The following SNX30 variants were observed in gnomAD, a reference collection of about 807,000 sequenced individuals.
The protein encoded by SNX30 is sorting nexin family member 30.
SNX30 carries 24 observed loss-of-function variants against 46.4 expected under a neutral mutation model. The observed-to-expected ratio is 0.52, with a 90% confidence interval of 0.37 to 0.73. The LOEUF (loss-of-function observed/expected upper bound fraction) is 0.73, where lower values mean the gene tolerates loss of function less well. Ranked by LOEUF, SNX30 falls within the 30% of genes least tolerant of loss-of-function variation. The pLI, the probability that SNX30 is intolerant of heterozygous loss-of-function variation, is 0.00. For missense variants in SNX30, 533 were observed against 555.7 expected, an observed-to-expected ratio of 0.96 and a Z score of 0.41; for synonymous variants, 189 against 211.5, an observed-to-expected ratio of 0.89 and a Z score of 0.92.
At chr9:112,864,150 A>T in intron 7 of SNX30, 97 bp from the exon 8 acceptor site, 1 of 1,289,956 alleles carries the variant, frequency 7.8e-7, no homozygotes, top group African/African-American at 1.5e-5. Flanking sequence ...ATTTTAATGT[A>T]GGGCTTTGGC....
chr9:112,844,697 G>A (rs1227089177), intron 6 of SNX30, among the ~76,000 whole-genome samples: 2 of 152,250 alleles, frequency 1.3e-5, no homozygotes, highest in Non-Finnish European at 2.9e-5. Flanking sequence ...TGGTGATCGA[G>A]ATTACAAGTG....
chr9:112,879,936 G>C (rs896897404), downstream of SNX30: 1 of 891,306 alleles, frequency 1.1e-6, no homozygotes, highest in Non-Finnish European at 1.8e-6. Flanking sequence ...ATCATAGGTA[G>C]GCATTGACCA....
chr9:112,767,812 C>G (rs899165987), intron 1 of SNX30, among the ~76,000 whole-genome samples: 13 of 152,038 alleles, frequency 8.6e-5, no homozygotes, highest in African/African-American at 3.1e-4. Context: ...GTTGTCCATG[C>G]TGGTCTCAAA....
chr9:112,817,755 C>T lies in SNX30; in HGVS notation c.399C>T (p.Tyr133=), dbSNP rs1840423335. The T allele has an allele frequency of 6.2e-7, 1 of 1,613,710 alleles. No individual in the cohort carries two copies. The highest frequency in any genetic ancestry group is 1.1e-5 in the South Asian group (1 of 91,066). ...DLPEYSVRRR[Y]QDFDWLRSKL... is the part of the protein sequence containing the mutation. ...CAGAATATTCTGTTCGTCGAAGATA[C>T]CAGGATTTTGACTGGTTGAGGAGCA... Residue 133 remains tyrosine, a synonymous_variant, in exon 3 of 9, where the codon TAC becomes TAT. Transcript: ENST00000374232.
At chr9:112,821,019 C>A (rs1357495695) in intron 3 of SNX30, among the ~76,000 whole-genome samples, 1 of 152,064 alleles carries the variant, frequency 6.6e-6, no homozygotes, top group Admixed American at 6.5e-5. Context: ...TGGACATGTT[C>A]CCATTTTGGG....
At chr9:112,834,713 G>A (rs1446773815) in intron 4 of SNX30, among the ~76,000 whole-genome samples, 1 of 152,138 alleles carries the variant, frequency 6.6e-6, no homozygotes, top group Non-Finnish European at 1.5e-5. Context: ...CAGGTGAAAG[G>A]AGGGCAGGGG....
At chr9:112,758,180 G>A (rs761917616) in intron 1 of SNX30, among the ~76,000 whole-genome samples, 10 of 152,126 alleles carry the variant, frequency 6.6e-5, no homozygotes, top group Admixed American at 2.0e-4. Flanking sequence ...CAAGGAGAGA[G>A]TCTAAGGCTG....
In SNX30 at chr9:112,750,935, C is replaced by A. The variant is rs1839263398; in HGVS notation, c.-67C>A. 8 of 1,170,130 alleles carry A rather than the reference C, an allele frequency of 6.8e-6. No individual in the cohort carries two copies. The highest frequency in any genetic ancestry group is 7.4e-6 in the Non-Finnish European group (7 of 949,214). The allele number at this position is 1,170,130 out of a possible 1,614,324, so 72.5% of individuals were successfully genotyped here. On this transcript the variant is annotated 5_prime_UTR_variant, in exon 1 of 9. Coordinates refer to ENST00000374232, the MANE Select transcript of SNX30 (RefSeq NM_001012994.2). ...GCCGAGCGGGGCTCGGCCCGGGGTG[C>A]TCGGGGAGCTCGCCGCGGCGGGCAG... is the stretch of plus-strand genomic sequence containing the variant.
intron 7 of SNX30, among the ~76,000 whole-genome samples, chr9:112,861,499 T>A (rs6415814): frequency 0.76 from 115,281 of 152,126 alleles, 43,966 homozygotes; most frequent in East Asian, 0.83. Context: ...AGGTGGGGTG[T>A]GCAAGCTAAG....
At chr9:112,868,652 A>G in intron 8 of SNX30, 132 bp from the exon 9 acceptor site, 1 of 843,028 alleles carries the variant, frequency 1.2e-6, no homozygotes, top group East Asian at 2.4e-5. Context: ...GTTATGGATG[A>G]CACATGCAGG....
intron 1 of SNX30, among the ~76,000 whole-genome samples, chr9:112,794,951 A>G (rs1043341377): frequency 6.6e-6 from 1 of 152,200 alleles, no homozygotes; most frequent in Non-Finnish European, 1.5e-5. Flanking sequence ...TTTTGCAACA[A>G]TGGGGAGTTT....
chr9:112,856,517 G>A (rs1367150582), intron 7 of SNX30, among the ~76,000 whole-genome samples: 1 of 151,954 alleles, frequency 6.6e-6, no homozygotes, highest in Non-Finnish European at 1.5e-5. Context: ...GTGTCGTGTG[G>A]AGGTGACTGG....
At chr9:112,828,616 G>A (rs1011702771) in intron 3 of SNX30, among the ~76,000 whole-genome samples, 1 of 152,192 alleles carries the variant, frequency 6.6e-6, no homozygotes, top group South Asian at 2.1e-4. Flanking sequence ...CTTCATGGGG[G>A]CAGGAATAAG....
intron 7 of SNX30, among the ~76,000 whole-genome samples, chr9:112,861,314 T>C (rs1160523558): frequency 2.7e-5 from 4 of 146,918 alleles, no homozygotes; most frequent in South Asian, 2.1e-4. Context: ...CTGCCTTCTC[T>C]TTTTGCTTTC....
At chr9:112,839,902 A>G (rs1332722842) in intron 6 of SNX30, among the ~76,000 whole-genome samples, 1 of 152,240 alleles carries the variant, frequency 6.6e-6, no homozygotes, top group Non-Finnish European at 1.5e-5. Flanking sequence ...ACAGCTTGAG[A>G]ACAGGAATTA....
chr9:112,809,621 T>C (rs1337115530), intron 2 of SNX30, among the ~76,000 whole-genome samples: 1 of 152,038 alleles, frequency 6.6e-6, no homozygotes, highest in Non-Finnish European at 1.5e-5. Context: ...TCTAAATGCC[T>C]CAGTGGTCAA....
At chr9:112,760,092 G>A (rs756855645) in intron 1 of SNX30, among the ~76,000 whole-genome samples, 4 of 152,196 alleles carry the variant, frequency 2.6e-5, no homozygotes, top group Non-Finnish European at 5.9e-5. Context: ...TTCAAACAGA[G>A]AGACTATAAT....
Position 112,786,724 on chromosome 9 carries a change from G to A in SNX30, c.157-18052G>A, listed in dbSNP as rs935029638. Among the ~76,000 whole-genome samples, 3 of 151,214 alleles carry A rather than the reference G, an allele frequency of 2.0e-5. 1 individual carries two copies. The highest frequency in any genetic ancestry group is 4.4e-5 in the Non-Finnish European group (3 of 67,848). ...CCACCATGTTGCCCAGGCTCATCTCGAACTTGTGGGCTCAAGCAATCTGCC... is the reference window on the plus strand; with the variant it reads ...CCACCATGTTGCCCAGGCTCATCTCAAACTTGTGGGCTCAAGCAATCTGCC... On this transcript the variant is annotated intron_variant, in intron 1 of 8. Coordinates refer to ENST00000374232, the MANE Select transcript of SNX30 (RefSeq NM_001012994.2).
chr9:112,865,653 A>ATGTGTGTGTGTGTGTGTGTGTGTGTGTG (rs1219477432), intron 8 of SNX30, among the ~76,000 whole-genome samples: 43 of 110,442 alleles, frequency 3.9e-4, no homozygotes, highest in Non-Finnish European at 7.7e-4. Flanking sequence ...ATATATATAT[A>ATGTGTGTGTGTGTGTGTGTGTGTGTGTG]TATATATATG....
Sources: allele counts gnomAD v4.1 joint callset (sites outside exome capture counted in the v4.1 genomes callset), GRCh38; gene constraint gnomAD v4.1.1; transcripts MANE v1.5; gene names NCBI Gene and HGNC (gene_info 2026-07-23, HGNC 2026-07-21).